Variants in HTT observed in about 807,000 individuals in gnomAD.
HTT encodes the protein huntingtin.
HTT carries 104 observed loss-of-function variants against 362.3 expected under a neutral mutation model. The ratio of observed to expected loss-of-function variants is 0.29; its 90% confidence interval spans 0.24 to 0.34. HTT has a LOEUF of 0.34. Ranked by LOEUF, HTT falls within the 10% of genes least tolerant of loss-of-function variation. The probability of loss-of-function intolerance (pLI) is 1.00; values close to 1 mark genes in which losing one functional copy is unlikely to be tolerated. For synonymous variants in HTT, 1,577 were observed against 1,548.7 expected, an observed-to-expected ratio of 1.02 and a Z score of -0.43; for missense variants, 3,301 against 3,928.6, an observed-to-expected ratio of 0.84 and a Z score of 4.27.
At position 3,140,789 on chromosome 4, in the gene HTT, T is replaced by G. The variant is rs117328539; in HGVS notation, c.2945+133T>G. On this transcript the variant is annotated intron_variant, in intron 22 of 66. Transcript: ENST00000355072. ...CTCAGGATGTTTGAGTGTAGGTCAGTCCTTTGATAGGATATTATCATTTTG... is the reference window on the plus strand; with the variant it reads ...CTCAGGATGTTTGAGTGTAGGTCAGGCCTTTGATAGGATATTATCATTTTG... The G allele has an allele frequency of 3.0e-4, 232 of 765,702 alleles. 4 individuals carry two copies. The East Asian group carries it at 6.1e-3, about 20-fold the overall frequency. 47.4% of individuals were successfully genotyped at this position (765,702 alleles called of 1,614,324 possible). A position where few individuals can be genotyped will look rare whatever the true frequency, so the allele number is the denominator to read the frequency against.
At chr4:3,087,932 C>A (rs1462661831) in intron 2 of HTT, among the ~76,000 whole-genome samples, 3 of 151,074 alleles carry the variant, frequency 2.0e-5, no homozygotes, top group African/African-American at 7.3e-5. Context: ...CTCACTGCAA[C>A]CTCTGCCTCC....
intron 1 of HTT, among the ~76,000 whole-genome samples, chr4:3,081,836 G>A (rs1712927695): frequency 6.6e-6 from 1 of 151,434 alleles, no homozygotes; most frequent in Non-Finnish European, 1.5e-5. Flanking sequence ...GGATTACAGG[G>A]TGTGAGCCAC....
At chr4:3,137,895 A>G (rs569810661) in intron 21 of HTT, among the ~76,000 whole-genome samples, 6 of 152,144 alleles carry the variant, frequency 3.9e-5, no homozygotes, top group Non-Finnish European at 7.3e-5. Flanking sequence ...CATCAGATGG[A>G]TATTATAGAG....
intron 40 of HTT, 137 bp from the exon 41 acceptor site, chr4:3,199,595 C>A: frequency 3.1e-6 from 2 of 654,770 alleles, no homozygotes; most frequent in Non-Finnish European, 5.1e-6. Flanking sequence ...TCAGAATTTT[C>A]TAAATGCCAG....
intron 62 of HTT, 43 bp from the exon 63 acceptor site, chr4:3,235,522 T>G (rs372219868): frequency 6.3e-7 from 1 of 1,588,114 alleles, no homozygotes; most frequent in African/African-American, 1.3e-5. Context: ...CACCTGAGAC[T>G]GTGCAGCGAT....
intron 2 of HTT, among the ~76,000 whole-genome samples, chr4:3,090,011 A>G (rs1713416626): frequency 6.6e-6 from 1 of 152,214 alleles, no homozygotes; most frequent in African/African-American, 2.4e-5. Flanking sequence ...TAGGGATTTC[A>G]GAGTATATAG....
chr4:3,221,290 G>A (rs1487631451), intron 53 of HTT, among the ~76,000 whole-genome samples: 2 of 152,118 alleles, frequency 1.3e-5, no homozygotes, highest in East Asian at 1.9e-4. Context: ...GGTACCTCAC[G>A]CCAGCTGCCT....
At chr4:3,222,513 G>A (rs759128763) in intron 54 of HTT, 26 bp downstream of exon 54, 3 of 1,574,058 alleles carry the variant, frequency 1.9e-6, no homozygotes, top group Non-Finnish European at 2.6e-6. Context: ...GTGCTGGTTG[G>A]CACATGGGCA....
chr4:3,232,068 C>T lies in HTT; in HGVS notation c.8266-1095C>T, dbSNP rs111387773. ...CCACCGTTGTGAAATCCGTGCCACCCGAGAGCAGGTCCTGATGTGGGGCTT... is the reference window on the plus strand; with the variant it reads ...CCACCGTTGTGAAATCCGTGCCACCTGAGAGCAGGTCCTGATGTGGGGCTT... On this transcript the variant is annotated intron_variant, in intron 60 of 66. Coordinates refer to ENST00000355072, the MANE Select transcript of HTT (RefSeq NM_001388492.1). Among the ~76,000 whole-genome samples the T allele has an allele frequency of 3.3e-3, 496 of 152,260 alleles. 5 individuals are homozygous for T. The highest frequency in any genetic ancestry group is 6.2e-3 in the African/African-American group (258 of 41,546).
intron 56 of HTT, among the ~76,000 whole-genome samples, chr4:3,225,065 G>A (rs529754368): frequency 6.6e-6 from 1 of 152,248 alleles, no homozygotes; most frequent in South Asian, 2.1e-4. Context: ...GTCTGGCAGA[G>A]GGTTAGCTGG....
intron 37 of HTT, among the ~76,000 whole-genome samples, chr4:3,183,317 C>G (rs1029068619): frequency 2.6e-5 from 4 of 152,210 alleles, no homozygotes; most frequent in Non-Finnish European, 5.9e-5. Context: ...CACTGTGCCC[C>G]CAGTGTAGCA....
rs1578599737 is a variant in HTT, at chr4:3,218,803, C to T, written c.7242+851C>T. On this transcript the variant is annotated intron_variant, in intron 52 of 66. Transcript: ENST00000355072. This position sits in a 1 kb window ranked among gnomAD's most constrained non-coding sequence, Gnocchi z 4.4. ...AGATGATGGGGCCTGTTCCTTAGGG[C>T]CTGCAGCATCCTCAGGCAGGAAAGA... 2.6e-5 allele frequency among the ~76,000 whole-genome samples: 4 copies of T among 152,158 alleles called. No homozygotes were observed. The highest frequency in any genetic ancestry group is 5.9e-5 in the Non-Finnish European group (4 of 68,030).
Position 3,228,815 on chromosome 4 carries a change from G to A in HTT, c.7980-65G>A, listed in dbSNP as rs573536475. On this transcript the variant is annotated intron_variant, in intron 58 of 66. Coordinates refer to ENST00000355072, the MANE Select transcript of HTT (RefSeq NM_001388492.1). The surrounding 1 kb of genome is among the most constrained non-coding windows in gnomAD (Gnocchi z 4.3). ...TTATCAGTCATTTGATTTGTTTGAG[G>A]TGCTTCTTGAAATGAGCCTCTCATC... 14 of 1,580,048 alleles carry A rather than the reference G, an allele frequency of 8.9e-6. No homozygotes were observed. The highest frequency in any genetic ancestry group is 1.2e-5 in the Non-Finnish European group (14 of 1,156,344).
chr4:3,186,557 T>C (rs370895009), intron 37 of HTT, 40 bp from the exon 38 acceptor site: 9 of 1,603,142 alleles, frequency 5.6e-6, no homozygotes, highest in Non-Finnish European at 7.7e-6. Flanking sequence ...GTCGTTTCTT[T>C]TGGCTTACGT....
chr4:3,139,292 G>T (rs779319248), intron 21 of HTT, among the ~76,000 whole-genome samples: 1 of 152,118 alleles, frequency 6.6e-6, no homozygotes, highest in Non-Finnish European at 1.5e-5. Context: ...TTGCCTCCTG[G>T]GTTCAAGCGA....
chr4:3,142,593 A>T (rs1382005499), intron 22 of HTT, among the ~76,000 whole-genome samples, 173 bp from the exon 23 acceptor site: 1 of 152,176 alleles, frequency 6.6e-6, no homozygotes, highest in African/African-American at 2.4e-5. Context: ...GAGGGAATAA[A>T]TTCAGCCATT....
chr4:3,225,836 T>C, intron 57 of HTT, 93 bp downstream of exon 57: 2 of 820,836 alleles, frequency 2.4e-6, no homozygotes, highest in South Asian at 1.7e-5. Context: ...CAGTGCACTT[T>C]TTAAATGAAA....
rs559444471 is a variant in HTT at position 3,239,940 on chromosome 4, G to A, written c.9310G>A (p.Glu3104Lys). 6.3e-7 allele frequency: 1 copy of A among 1,585,112 alleles called. No homozygotes were observed. The highest frequency in any genetic ancestry group is 1.8e-5 in the Admixed American group (1 of 55,674). The change falls in exon 67 of 67, where the codon GAG (glutamate) becomes AAG (lysine). Residue 3104 changes from glutamate to lysine, a missense_variant. By Grantham distance (56) the Glu-to-Lys change is moderately conservative. This residue lies in a region of HTT where 753 missense variants were observed against 1,021.3 expected (regional missense o/e 0.74). Transcript: ENST00000355072. ...VATDFYRHQIEEELDRRAFQS... is the reference protein window; with the variant it reads ...VATDFYRHQIKEELDRRAFQS... ...CACAGACTTCTACAGACACCAGATA[G>A]AGGAGGAGCTCGACCGCAGGGCCTT... is the stretch of plus-strand genomic sequence containing the variant.
chr4:3,206,883 A>G lies in HTT; in HGVS notation c.5975A>G (p.Tyr1992Cys). 1.2e-6 allele frequency: 2 copies of G among 1,614,158 alleles called. No homozygotes were observed. The highest frequency in any genetic ancestry group is 8.5e-7 in the Non-Finnish European group (1 of 1,180,002). ...CAGTCGGGAGCTGTGCTCACGCTGT[A>G]TGTGGACAGGCTTCTGTGCACCCCT... The part of the protein sequence containing the change: ...LSQSGAVLTL[Y>C]VDRLLCTPFR... The change falls in exon 44 of 67, where the codon TAT (tyrosine) becomes TGT (cysteine). Residue 1992 changes from tyrosine to cysteine, a missense_variant. By Grantham distance (194) the Tyr-to-Cys change is radical. Transcript: ENST00000355072. This position sits in a 1 kb window ranked among gnomAD's most constrained non-coding sequence, Gnocchi z 4.6.
Sources: gnomAD v4.1 joint callset for allele counts (sites outside exome capture counted in the v4.1 genomes callset) on GRCh38, gnomAD v4.1.1 for gene constraint, gnomAD v4.1.1 regional missense constraint, Gnocchi (gnomAD v3.1) non-coding constraint, MANE v1.5 for transcripts, NCBI Gene and HGNC (gene_info 2026-07-23, HGNC 2026-07-21) for gene names.